The following PAG1 variants were observed in gnomAD, a reference collection of about 807,000 sequenced individuals.
The protein encoded by PAG1 is phosphoprotein membrane anchor with glycosphingolipid microdomains 1.
A neutral mutation model predicts 31.7 loss-of-function variants in PAG1; 23 were observed. That is an observed-to-expected ratio of 0.73 (90% CI 0.52 to 1.03). The LOEUF is 1.03. Among genes scored for constraint, PAG1 ranks in the 50% least tolerant of loss-of-function variants. PAG1 has a pLI of 0.00. For missense variants in PAG1, 473 were observed against 540.7 expected (o/e 0.87, Z 1.24); for synonymous variants, 214 against 210.3 (o/e 1.02, Z -0.15).
chr8:81,105,948 G>A (rs1340277509), intron 1 of PAG1, among the ~76,000 whole-genome samples: 1 of 152,190 alleles, frequency 6.6e-6, no homozygotes, highest in Non-Finnish European at 1.5e-5. Context: ...CTGATTACTT[G>A]CAAATGAATA....
intron 2 of PAG1, among the ~76,000 whole-genome samples, chr8:81,033,737 C>T (rs548031464): frequency 6.6e-6 from 1 of 152,330 alleles, no homozygotes; most frequent in South Asian, 2.1e-4. Flanking sequence ...ACCAAACTAA[C>T]CTGAACTCTT....
chr8:81,110,274 C>T (rs1435981273), intron 1 of PAG1, among the ~76,000 whole-genome samples: 2 of 152,092 alleles, frequency 1.3e-5, no homozygotes, highest in African/African-American at 4.8e-5. Context: ...CTTAATATGA[C>T]CTATTTTGTT....
chr8:81,007,467 CAA>C (rs10563214), intron 3 of PAG1, among the ~76,000 whole-genome samples: 5,346 of 128,482 alleles, frequency 0.042, 234 homozygotes, highest in African/African-American at 0.12. Flanking sequence ...TACAAAAATA[CAA>C]AAAAAAAAAA....
intron 7 of PAG1, among the ~76,000 whole-genome samples, chr8:80,981,778 C>T (rs575718922): frequency 1.1e-3 from 163 of 151,712 alleles, no homozygotes; most frequent in African/African-American, 3.8e-3. Flanking sequence ...CAGCCACATG[C>T]AAACATGCTG....
intron 3 of PAG1, among the ~76,000 whole-genome samples, chr8:81,025,706 T>G (rs1338139003): frequency 6.6e-6 from 1 of 152,196 alleles, no homozygotes; most frequent in Non-Finnish European, 1.5e-5. Context: ...TGTCACAGGA[T>G]GCAGTTCACC....
intron 3 of PAG1, among the ~76,000 whole-genome samples, chr8:81,001,046 C>T (rs551569100): frequency 6.6e-6 from 1 of 152,340 alleles, no homozygotes; most frequent in East Asian, 1.9e-4. Flanking sequence ...GGCTCTCTTT[C>T]CAACATTTTT....
chr8:81,083,964 G>A (rs1009563984), intron 1 of PAG1, among the ~76,000 whole-genome samples: 3 of 152,096 alleles, frequency 2.0e-5, no homozygotes, highest in Non-Finnish European at 4.4e-5. Context: ...GAACCTGGGA[G>A]GTGGAGGTTG....
rs535982850 is a variant in PAG1, at chr8:80,984,856, C to T, written c.796G>A (p.Asp266Asn). 820 of 1,614,126 alleles carry T rather than the reference C, an allele frequency of 5.1e-4. 8 individuals are homozygous for T. In the South Asian group the frequency reaches 8.6e-3, roughly 17 times the overall value. ...TTCTCCTGAAGGTTTTCATTCTCGTCCAGAAGCTTAACAGGGACAGGTGGT... is the reference window on the plus strand; with the variant it reads ...TTCTCCTGAAGGTTTTCATTCTCGTTCAGAAGCTTAACAGGGACAGGTGGT... The part of the protein sequence containing the change: ...APPPVPVKLL[D>N]ENENLQEKEG... Residue 266 changes from aspartate (D) to asparagine (N), a missense_variant, in exon 7 of 9, where the codon GAC (aspartate) becomes AAC (asparagine). Asp to Asn is a conservative substitution (Grantham distance 23). Transcript: ENST00000220597.
chr8:81,023,542 A>G (rs1477267395), intron 3 of PAG1, among the ~76,000 whole-genome samples: 2 of 151,910 alleles, frequency 1.3e-5, no homozygotes, highest in Non-Finnish European at 2.9e-5. Context: ...GTATATATAT[A>G]TATATTTGTG....
At chr8:81,048,091 A>G (rs774965039) in intron 2 of PAG1, among the ~76,000 whole-genome samples, 15 of 152,036 alleles carry the variant, frequency 9.9e-5, no homozygotes, top group Non-Finnish European at 1.5e-4. Flanking sequence ...CTTCTTTCCA[A>G]CACAAACTCC....
chr8:81,050,322 T>C (rs1175165857), intron 2 of PAG1, among the ~76,000 whole-genome samples: 1 of 152,198 alleles, frequency 6.6e-6, no homozygotes, highest in Admixed American at 6.5e-5. Context: ...CTCATTCATA[T>C]ACCCAAATGT....
chr8:81,104,458 G>A (rs947214129), intron 1 of PAG1, among the ~76,000 whole-genome samples: 1 of 150,554 alleles, frequency 6.6e-6, no homozygotes, highest in Non-Finnish European at 1.5e-5. Flanking sequence ...TCAAATACAC[G>A]GAAGACTTGC....
intron 3 of PAG1, among the ~76,000 whole-genome samples, chr8:81,010,891 T>C (rs1392380127): frequency 2.6e-5 from 4 of 152,176 alleles, no homozygotes; most frequent in Non-Finnish European, 5.9e-5. Context: ...ACCTGGAGCT[T>C]TTATACTAGC....
intron 1 of PAG1, among the ~76,000 whole-genome samples, chr8:81,087,613 A>T (rs1445604929): frequency 6.6e-6 from 1 of 152,242 alleles, no homozygotes; most frequent in East Asian, 1.9e-4. Context: ...CCACAGCTAG[A>T]TGCAACATAC....
intron 1 of PAG1, among the ~76,000 whole-genome samples, chr8:81,075,278 G>A (rs1409823224): frequency 6.6e-6 from 1 of 152,226 alleles, no homozygotes; most frequent in Non-Finnish European, 1.5e-5. Flanking sequence ...TGAGTAGACT[G>A]ACTTGCCTCT....
At chr8:81,009,150 C>T (rs951513544) in intron 3 of PAG1, among the ~76,000 whole-genome samples, 1 of 152,256 alleles carries the variant, frequency 6.6e-6, no homozygotes, top group South Asian at 2.1e-4. Context: ...TAGCAATTAT[C>T]TTCGTCTAGC....
chr8:81,097,387 C>T (rs1003099071), intron 1 of PAG1, among the ~76,000 whole-genome samples: 1 of 152,142 alleles, frequency 6.6e-6, no homozygotes, highest in Non-Finnish European at 1.5e-5. Context: ...AATGTACTAA[C>T]AAGAAGGAAT....
intron 2 of PAG1, among the ~76,000 whole-genome samples, chr8:81,039,093 AT>A (rs1236310817): frequency 1.3e-5 from 2 of 152,160 alleles, no homozygotes; most frequent in African/African-American, 4.8e-5. Flanking sequence ...ATGGACTCTA[AT>A]AAGAGTCCAT....
chr8:80,989,521 G>C (rs1408958066), intron 5 of PAG1, among the ~76,000 whole-genome samples: 1 of 152,176 alleles, frequency 6.6e-6, no homozygotes, highest in Non-Finnish European at 1.5e-5. Flanking sequence ...GTAAGCATGC[G>C]TTCCTGTGTG....
Sources: allele counts gnomAD v4.1 joint callset (sites outside exome capture counted in the v4.1 genomes callset), GRCh38; gene constraint gnomAD v4.1.1; transcripts MANE v1.5; gene names NCBI Gene and HGNC (gene_info 2026-07-23, HGNC 2026-07-21).